The following MC2R variants were observed in gnomAD, a reference collection of about 807,000 sequenced individuals.
MC2R encodes the protein melanocortin 2 receptor, also known as adrenocorticotropic hormone receptor.
MC2R carries 9 observed loss-of-function variants against 9.8 expected under a neutral mutation model. The ratio of observed to expected loss-of-function variants is 0.92; its 90% CI spans 0.55 to 1.60. The LOEUF is 1.60. MC2R is among the 40% of genes most tolerant of loss of function. MC2R has a pLI of 0.00. For missense variants in MC2R, 370 were observed against 389.0 expected, an observed-to-expected ratio of 0.95 and a Z score of 0.41; for synonymous variants, 185 against 154.7, an observed-to-expected ratio of 1.20 and a Z score of -1.45.
intron 1 of MC2R, among the ~76,000 whole-genome samples, chr18:13,904,865 G>A (rs1246599452): frequency 6.6e-6 from 1 of 151,986 alleles, no homozygotes; most frequent in African/African-American, 2.4e-5. Context: ...ACTGAAACCG[G>A]GCCCCTTCCT....
At chr18:13,914,061 T>TTA (rs564766729) in intron 1 of MC2R, among the ~76,000 whole-genome samples, 1 of 90,442 alleles carries the variant, frequency 1.1e-5, no homozygotes, top group Non-Finnish European at 2.1e-5. Context: ...AAGAATAGGA[T>TTA]TTTTTTTTTT....
At chr18:13,897,123 G>A (rs1289804862) in intron 1 of MC2R, among the ~76,000 whole-genome samples, 1 of 152,306 alleles carries the variant, frequency 6.6e-6, no homozygotes, top group East Asian at 1.9e-4. Context: ...TGAAGTGGTA[G>A]AGAAAACAGT....
At chr18:13,890,515 T>C (rs1337859249) in intron 1 of MC2R, among the ~76,000 whole-genome samples, 1 of 152,098 alleles carries the variant, frequency 6.6e-6, no homozygotes, top group African/African-American at 2.4e-5. Context: ...TGGTGGGAGC[T>C]GTCACGCGGC....
Position 13,884,223 on chromosome 18 carries a change from T to C in MC2R, c.*402A>G. On this transcript the variant is annotated 3_prime_UTR_variant, in exon 2 of 2. Coordinates refer to ENST00000327606, the MANE Select transcript of MC2R (RefSeq NM_000529.2). ...CCACCTGGAAAGGCCACCTCAGAAC[T>C]GGCTTGTTAGATGTCCACAGGAAAG... 1 of 290,820 alleles carries C rather than the reference T, an allele frequency of 3.4e-6. No individual in the cohort carries two copies. Among genetic ancestry groups the C allele is most frequent in the Non-Finnish European group, 6.6e-6 (1 of 150,418 alleles). The allele number at this position is 290,820 out of a possible 1,614,324, so 18.0% of individuals were successfully genotyped here.
Position 13,885,534 on chromosome 18 carries a change from T to C in MC2R, c.-16A>G, listed in dbSNP as rs754531497. 9.3e-6 allele frequency: 15 copies of C among 1,613,966 alleles called. 1 individual carries two copies. Among genetic ancestry groups the C allele is most frequent in the Middle Eastern group, 1.6e-4 (1 of 6,084 alleles). ...TGTGCTTCATTTCTCCTGCTTGTGG[T>C]TAAGGCGGGGATGTTACTTGGACTT... is the stretch of plus-strand genomic sequence containing the variant. On this transcript the variant is annotated 5_prime_UTR_variant, in exon 2 of 2. Coordinates refer to ENST00000327606, the MANE Select transcript of MC2R (RefSeq NM_000529.2).
intron 1 of MC2R, among the ~76,000 whole-genome samples, chr18:13,909,966 G>A (rs1206507862): frequency 3.3e-5 from 5 of 152,250 alleles, no homozygotes; most frequent in African/African-American, 1.2e-4. Flanking sequence ...CATGGATGAT[G>A]CTTTTCATGT....
intron 1 of MC2R, among the ~76,000 whole-genome samples, chr18:13,909,447 C>T (rs1262691292): frequency 1.3e-5 from 2 of 152,196 alleles, no homozygotes; most frequent in Non-Finnish European, 2.9e-5. Context: ...AGTCAGAATG[C>T]ATAGCCCTCA....
chr18:13,891,680 C>T (rs1449426522), intron 1 of MC2R, among the ~76,000 whole-genome samples: 2 of 152,154 alleles, frequency 1.3e-5, no homozygotes, highest in Admixed American at 1.3e-4. Flanking sequence ...GTCTGTGAGC[C>T]CTCCTTTTGG....
Position 13,894,501 on chromosome 18 carries a change from T to A in MC2R, c.-128-8855A>T, listed in dbSNP as rs201867680. 2.6e-5 allele frequency among the ~76,000 whole-genome samples: 4 copies of A among 152,352 alleles called. No homozygotes were observed. The East Asian group carries it at 7.7e-4, about 29-fold the overall frequency. On this transcript the variant is annotated intron_variant, in intron 1 of 1. Transcript: ENST00000327606. ...CACTCAGTGCATAGATTTTACAGGC[T>A]GTGGTCTGGATTCTATGCGATAACG...
At chr18:13,896,788 A>G (rs2045348430) in intron 1 of MC2R, among the ~76,000 whole-genome samples, 1 of 152,272 alleles carries the variant, frequency 6.6e-6, no homozygotes, top group African/African-American at 2.4e-5. Flanking sequence ...AGATGCATAT[A>G]CAATGATATT....
intron 1 of MC2R, among the ~76,000 whole-genome samples, chr18:13,902,842 G>C (rs890430086): frequency 2.0e-5 from 3 of 152,022 alleles, no homozygotes; most frequent in African/African-American, 7.2e-5. Context: ...GGACAAATGG[G>C]ACCACATCAA....
rs114107356 is a variant in MC2R at position 13,898,470 on chromosome 18, A to T, written c.-128-12824T>A. Reference sequence around the variant, plus strand: ...AACTTCCTGCCCTGAAAGGAAAGACACAGGCCTGGCTGGCTTTTCCACCTG... The same window carrying T: ...AACTTCCTGCCCTGAAAGGAAAGACTCAGGCCTGGCTGGCTTTTCCACCTG... On this transcript the variant is annotated intron_variant, in intron 1 of 1. Coordinates refer to ENST00000327606, the MANE Select transcript of MC2R (RefSeq NM_000529.2). Among the ~76,000 whole-genome samples the T allele has an allele frequency of 4.4e-3, 669 of 152,330 alleles. 3 individuals are homozygous for T. The highest frequency in any genetic ancestry group is 0.015 in the African/African-American group (637 of 41,580).
chr18:13,886,949 G>A (rs34344395), intron 1 of MC2R, among the ~76,000 whole-genome samples: 1,544 of 152,302 alleles, frequency 0.01, 26 homozygotes, highest in African/African-American at 0.036. Flanking sequence ...CGGTGGATGC[G>A]GAAGGAAGGG....
intron 1 of MC2R, among the ~76,000 whole-genome samples, chr18:13,907,597 G>A (rs1157708754): frequency 2.0e-5 from 3 of 152,102 alleles, no homozygotes; most frequent in Non-Finnish European, 2.9e-5. Flanking sequence ...CTCACAGAAT[G>A]GGAGAAAATA....
At chr18:13,914,242 G>A (rs8092070) in intron 1 of MC2R, among the ~76,000 whole-genome samples, 6,753 of 152,144 alleles carry the variant, frequency 0.044, 332 homozygotes, top group East Asian at 0.18. Context: ...GGCCTAAGCG[G>A]TGTCCCAAAG....
chr18:13,913,581 C>T (rs570860008), intron 1 of MC2R, among the ~76,000 whole-genome samples: 80 of 152,318 alleles, frequency 5.3e-4, no homozygotes, highest in African/African-American at 1.8e-3. Context: ...AGTCAGAGAA[C>T]AGAGAAGTTA....
In MC2R at chr18:13,883,740, G is replaced by C. The variant is rs1367878768; in HGVS notation, c.*885C>G. The C allele has an allele frequency of 6.7e-6, 1 of 149,952 alleles. No individual in the cohort carries two copies. The highest frequency in any genetic ancestry group is 1.5e-5 in the Non-Finnish European group (1 of 67,810). The allele number at this position is 149,952 out of a possible 1,614,324, so 9.3% of individuals were successfully genotyped here. A position where few individuals can be genotyped will look rare whatever the true frequency, so the allele number is the denominator to read the frequency against. Reference sequence around the variant, plus strand: ...GTACTTCTACATTGTAACACACATAGTTTGGTTACAGCTTCTTCAAATAGT... The same window carrying C: ...GTACTTCTACATTGTAACACACATACTTTGGTTACAGCTTCTTCAAATAGT... On this transcript the variant is annotated 3_prime_UTR_variant, in exon 2 of 2. Transcript: ENST00000327606.
chr18:13,896,628 G>C (rs971733910), intron 1 of MC2R, among the ~76,000 whole-genome samples: 19 of 152,076 alleles, frequency 1.2e-4, no homozygotes, highest in African/African-American at 4.3e-4. Context: ...ATTAAATATA[G>C]GTATCTAATA....
chr18:13,906,272 C>A (rs890474632), intron 1 of MC2R, among the ~76,000 whole-genome samples: 5 of 152,170 alleles, frequency 3.3e-5, no homozygotes, highest in Non-Finnish European at 7.4e-5. Context: ...AGATCGTGTC[C>A]TTTGCAGGGA....
Sources: gnomAD v4.1 joint callset for allele counts (sites outside exome capture counted in the v4.1 genomes callset) on GRCh38, gnomAD v4.1.1 for gene constraint, MANE v1.5 for transcripts, NCBI Gene and HGNC (gene_info 2026-07-23, HGNC 2026-07-21) for gene names.